DAB1: variants seen among roughly 807,000 people sequenced by gnomAD.
DAB1 encodes disabled homolog 1.
Under a neutral mutation model 64.6 loss-of-function variants are expected in DAB1, and 15 were observed. The ratio of observed to expected loss-of-function variants is 0.23; its 90% CI spans 0.16 to 0.36. DAB1 has a LOEUF of 0.36. DAB1 is among the 10% of genes least tolerant of loss of function. DAB1 has a pLI of 1.00. For missense variants in DAB1, 596 were observed against 706.7 expected (o/e 0.84, Z 1.78); for synonymous variants, 235 against 251.9 (o/e 0.93, Z 0.64).
At chr1:57,070,782 G>A (rs1033914188) in intron 7 of DAB1, 9 of 531,548 alleles carry the variant, frequency 1.7e-5, no homozygotes, top group African/African-American at 3.9e-5. Flanking sequence ...GAAGGGGGCC[G>A]AGGCAGAGGC....
At chr1:57,105,598 T>C (rs570598522) in intron 4 of DAB1, among the ~76,000 whole-genome samples, 1 of 152,294 alleles carries the variant, frequency 6.6e-6, no homozygotes, top group African/African-American at 2.4e-5. Context: ...CTCACACATT[T>C]TAATACCCCA....
chr1:58,335,274 T>C (rs1663086130), intron 4 of DAB1, among the ~76,000 whole-genome samples: 1 of 152,136 alleles, frequency 6.6e-6, no homozygotes, highest in Non-Finnish European at 1.5e-5. Context: ...AGAAGATTTG[T>C]GTGGCAAGAG....
chr1:57,875,411 CCATCTCATTCATTCAT>C (rs1644027525), intron 1 of DAB1, among the ~76,000 whole-genome samples: 1 of 152,152 alleles, frequency 6.6e-6, no homozygotes. Flanking sequence ...AGCTCAAGGG[CCATCTCATTCATTCAT>C]TCATCCACTC....
chr1:57,386,392 T>G (rs1570422823), intron 1 of DAB1, among the ~76,000 whole-genome samples: 2 of 135,094 alleles, frequency 1.5e-5, no homozygotes, highest in African/African-American at 5.6e-5. Context: ...AAAAAACCCG[T>G]CTTTTTCATC....
chr1:57,695,424 GA>G (rs1286579278), intron 6 of DAB1, among the ~76,000 whole-genome samples: 2 of 119,964 alleles, frequency 1.7e-5, no homozygotes, highest in African/African-American at 6.6e-5. Context: ...AAGAAAGAAA[GA>G]AAGAAAGAAA....
At chr1:57,152,317 C>T (rs1396970624) in intron 2 of DAB1, among the ~76,000 whole-genome samples, 2 of 152,202 alleles carry the variant, frequency 1.3e-5, no homozygotes, top group Non-Finnish European at 2.9e-5. Context: ...TGCTCTGATA[C>T]ACCTGCTTCA....
chr1:58,387,506 T>A (rs1157654812), intron 3 of DAB1, among the ~76,000 whole-genome samples: 1 of 152,042 alleles, frequency 6.6e-6, no homozygotes, highest in Admixed American at 6.5e-5. Flanking sequence ...CGGGAGGTGG[T>A]GGGAAAGTGA....
At chr1:57,643,554 T>C (rs1373993997) in intron 7 of DAB1, among the ~76,000 whole-genome samples, 2 of 152,176 alleles carry the variant, frequency 1.3e-5, no homozygotes, top group Non-Finnish European at 2.9e-5. Flanking sequence ...ATTTTTGATA[T>C]ATAAGGACTT....
chr1:58,280,259 T>A (rs367610993), intron 4 of DAB1, among the ~76,000 whole-genome samples: 3 of 152,224 alleles, frequency 2.0e-5, no homozygotes, highest in East Asian at 3.8e-4. Context: ...TTAGCCACAC[T>A]GTGTTCTCTT....
chr1:58,007,307 T>C (rs1646599479), intron 5 of DAB1, among the ~76,000 whole-genome samples: 1 of 152,150 alleles, frequency 6.6e-6, no homozygotes. Context: ...CAATCCCTCA[T>C]CCTCAGAAGG....
intron 2 of DAB1, among the ~76,000 whole-genome samples, chr1:57,222,565 G>T (rs1327951245): frequency 7.2e-6 from 1 of 139,312 alleles, no homozygotes; most frequent in Non-Finnish European, 1.5e-5. Flanking sequence ...AGCATGCTTA[G>T]GGAGAAATGG....
At chr1:58,320,479 C>T (rs974384324) in intron 4 of DAB1, among the ~76,000 whole-genome samples, 8 of 152,284 alleles carry the variant, frequency 5.3e-5, no homozygotes, top group East Asian at 1.9e-4. Flanking sequence ...ACTGAGACTT[C>T]GAGAAATGAA....
At chr1:57,231,990 T>C (rs1033840223) in intron 2 of DAB1, among the ~76,000 whole-genome samples, 1 of 152,192 alleles carries the variant, frequency 6.6e-6, no homozygotes, top group Non-Finnish European at 1.5e-5. Context: ...TGTGGAGACC[T>C]GTGCAGCCTC....
chr1:57,234,802 T>C (rs924727987), intron 2 of DAB1, among the ~76,000 whole-genome samples: 3 of 152,236 alleles, frequency 2.0e-5, no homozygotes, highest in African/African-American at 7.2e-5. Context: ...TTCTTGTAGC[T>C]GTAGGACTGA....
chr1:57,700,144 C>T (rs1193913566), intron 6 of DAB1, among the ~76,000 whole-genome samples: 1 of 152,084 alleles, frequency 6.6e-6, no homozygotes, highest in Admixed American at 6.5e-5. Context: ...CATTTGAATC[C>T]GACTCCTTCA....
chr1:57,353,114 TACACACACAC>T (rs10572319), intron 1 of DAB1, among the ~76,000 whole-genome samples: 2,993 of 145,618 alleles, frequency 0.021, 35 homozygotes, highest in South Asian at 0.038. Context: ...TTTTTTTCCA[TACACACACAC>T]ACACACACAC....
chr1:58,495,311 C>T (rs185221971), intron 3 of DAB1, among the ~76,000 whole-genome samples: 1 of 152,152 alleles, frequency 6.6e-6, no homozygotes, highest in African/African-American at 2.4e-5. Flanking sequence ...GGAGATATAC[C>T]TAATGTTAAA....
At chr1:58,498,597 T>C (rs1194999491) in intron 3 of DAB1, among the ~76,000 whole-genome samples, 1 of 152,174 alleles carries the variant, frequency 6.6e-6, no homozygotes, top group African/African-American at 2.4e-5. Context: ...AATGCCTATA[T>C]GGCTACTTAT....
Position 57,941,653 on chromosome 1 carries a change from G to C in DAB1, n.388-57491C>G, listed in dbSNP as rs1227761509. ...AGATCGAGACCATCCTGGCTAACATGGTGAAACCCCATCTCTACTAAAAAT... is the reference window on the plus strand; with the variant it reads ...AGATCGAGACCATCCTGGCTAACATCGTGAAACCCCATCTCTACTAAAAAT... On this transcript the variant is annotated intron_variant and non_coding_transcript_variant, in intron 5 of 20. Transcript: ENST00000485760. Among the ~76,000 whole-genome samples the C allele has an allele frequency of 2.0e-5, 3 of 152,146 alleles. No individual in the cohort carries two copies. The East Asian group carries it at 5.8e-4, about 29-fold the overall frequency.
Sources: gnomAD v4.1 joint callset for allele counts (sites outside exome capture counted in the v4.1 genomes callset) on GRCh38, gnomAD v4.1.1 for gene constraint, MANE v1.5 for transcripts, NCBI Gene and HGNC (gene_info 2026-07-23, HGNC 2026-07-21) for gene names.